PIGU: variants seen among roughly 807,000 people sequenced by gnomAD.
PIGU encodes GPI-anchor transamidase component PIGU.
PIGU carries 24 observed loss-of-function variants against 49.9 expected under a neutral mutation model. That is an observed-to-expected ratio of 0.48 (90% CI 0.35 to 0.68). The LOEUF is 0.68. Among genes scored for constraint, PIGU ranks in the 30% least tolerant of loss-of-function variants. The probability of loss-of-function intolerance (pLI) is 0.01; values close to 1 mark genes in which losing one functional copy is unlikely to be tolerated. For synonymous variants in PIGU, 220 were observed against 205.7 expected (o/e 1.07, Z -0.59); for missense variants, 490 against 532.6 (o/e 0.92, Z 0.79).
chr20:34,677,022 A>C lies in PIGU; in HGVS notation c.64T>G (p.Ser22Ala), dbSNP rs1987527646. The C allele has an allele frequency of 2.5e-6, 4 of 1,582,692 alleles. No individual in the cohort carries two copies. The African/African-American group carries it at 5.4e-5, about 21-fold the overall frequency. Residue 22 changes from serine to alanine, a missense_variant, in exon 1 of 12, where the codon TCC (serine) becomes GCC (alanine). By Grantham distance (99) the Ser-to-Ala change is moderately conservative (BLOSUM62 1). Coordinates refer to ENST00000217446, the MANE Select transcript of PIGU (RefSeq NM_080476.5). ...TCGGAAATGAACTCGGCCAGACTGGAGCGGAACAAGGCCGCCCGCACTGTC... is the reference window on the plus strand; with the variant it reads ...TCGGAAATGAACTCGGCCAGACTGGCGCGGAACAAGGCCGCCCGCACTGTC... ...AVTVRAALFR[S>A]SLAEFISERV...
chr20:34,611,190 C>A (rs1600626658), intron 7 of PIGU, among the ~76,000 whole-genome samples: 1 of 152,080 alleles, frequency 6.6e-6, no homozygotes, highest in Non-Finnish European at 1.5e-5. Flanking sequence ...CAACGAAAGC[C>A]AAAATTGACA....
At chr20:34,647,233 A>T (rs1039373004) in intron 2 of PIGU, among the ~76,000 whole-genome samples, 5 of 151,536 alleles carry the variant, frequency 3.3e-5, no homozygotes, top group African/African-American at 1.2e-4. Context: ...GGCCTCCCAA[A>T]GTGCTGAGAT....
At chr20:34,640,895 A>C (rs1986139407) in intron 4 of PIGU, among the ~76,000 whole-genome samples, 1 of 151,934 alleles carries the variant, frequency 6.6e-6, no homozygotes, top group African/African-American at 2.4e-5. Flanking sequence ...ACTTCAAATA[A>C]AGGGCTTTAT....
intron 7 of PIGU, among the ~76,000 whole-genome samples, chr20:34,609,502 C>T (rs6088538): frequency 0.85 from 128,618 of 151,952 alleles, 54,646 homozygotes; most frequent in Admixed American, 0.92. Context: ...GTAGCTAGGA[C>T]TGCAGGCACA....
At chr20:34,622,423 AG>A (rs1447689392) in intron 6 of PIGU, among the ~76,000 whole-genome samples, 6 of 152,074 alleles carry the variant, frequency 3.9e-5, no homozygotes, top group African/African-American at 1.4e-4. Context: ...AGGCTGAGGC[AG>A]GAGAATCTCT....
intron 1 of PIGU, among the ~76,000 whole-genome samples, chr20:34,660,048 T>TTAAAAAAA (rs1555803431): frequency 4.8e-5 from 2 of 41,428 alleles, no homozygotes; most frequent in African/African-American, 7.6e-5. Flanking sequence ...GAATGATCAA[T>TTAAAAAAA]AAAAAAAAAA....
intron 11 of PIGU, among the ~76,000 whole-genome samples, chr20:34,569,186 AG>A (rs1459455779): frequency 1.3e-5 from 2 of 152,102 alleles, no homozygotes; most frequent in Non-Finnish European, 2.9e-5. Flanking sequence ...CCTGGGCAAC[AG>A]AGCAAGACCC....
At chr20:34,603,291 C>G (rs1984498955) in intron 7 of PIGU, among the ~76,000 whole-genome samples, 1 of 152,032 alleles carries the variant, frequency 6.6e-6, no homozygotes, top group Non-Finnish European at 1.5e-5. Flanking sequence ...GTACCTAGAC[C>G]ATAAGGGGTT....
At chr20:34,645,214 G>C in intron 3 of PIGU, 61 bp downstream of exon 3, 2 of 1,358,530 alleles carry the variant, frequency 1.5e-6, no homozygotes, top group Non-Finnish European at 1.9e-6. Context: ...GAGAGAGAGA[G>C]ACAATAAACC....
chr20:34,619,513 G>A (rs993565998), intron 6 of PIGU, among the ~76,000 whole-genome samples: 4 of 152,290 alleles, frequency 2.6e-5, no homozygotes, highest in African/African-American at 4.8e-5. Flanking sequence ...GAAAGCAGGC[G>A]AGAGAAGAGG....
chr20:34,589,482 A>ATT, intron 7 of PIGU, among the ~76,000 whole-genome samples: 1 of 152,032 alleles, frequency 6.6e-6, no homozygotes, highest in East Asian at 1.9e-4. Flanking sequence ...CCTCCCAAGT[A>ATT]GCTGGGACTG....
chr20:34,621,266 A>C (rs1271877873), intron 6 of PIGU, among the ~76,000 whole-genome samples: 1 of 152,136 alleles, frequency 6.6e-6, no homozygotes, highest in Non-Finnish European at 1.5e-5. Flanking sequence ...AAAATATGAG[A>C]ATATTAAAGG....
chr20:34,665,273 G>A (rs1600672208), intron 1 of PIGU, among the ~76,000 whole-genome samples: 1 of 133,668 alleles, frequency 7.5e-6, no homozygotes, highest in East Asian at 2.4e-4. Flanking sequence ...GCGCGATCTC[G>A]GCTCACTGCA....
At chr20:34,584,826 T>C (rs1983633070) in intron 9 of PIGU, among the ~76,000 whole-genome samples, 1 of 152,026 alleles carries the variant, frequency 6.6e-6, no homozygotes, top group African/African-American at 2.4e-5. Flanking sequence ...TAGCTGGGAC[T>C]ATAGGCACCC....
At chr20:34,591,008 G>A (rs1428645682) in intron 7 of PIGU, among the ~76,000 whole-genome samples, 4 of 142,430 alleles carry the variant, frequency 2.8e-5, no homozygotes, top group Non-Finnish European at 6.1e-5. Flanking sequence ...GCGACAGAGC[G>A]AGACTCCGTC....
In PIGU at chr20:34,677,064, C is replaced by G. The variant is rs1568673007; in HGVS notation, c.22G>C (p.Val8Leu). 2.6e-6 allele frequency: 4 copies of G among 1,568,398 alleles called. No homozygotes were observed. Among genetic ancestry groups the G allele is most frequent in the Non-Finnish European group, 3.5e-6 (4 of 1,157,046 alleles). Residue 8 changes from valine (V) to leucine (L), a missense_variant, in exon 1 of 12, where the codon GTG (valine) becomes CTG (leucine). Physicochemically the swap from Val to Leu is conservative, Grantham distance 32. Coordinates refer to ENST00000217446, the MANE Select transcript of PIGU (RefSeq NM_080476.5). MAAPLVLVLVVAVTVRAA... is the reference protein window; with the variant it reads MAAPLVLLLVVAVTVRAA... ...CGCACTGTCACAGCCACCACCAGCA[C>G]CAGGACCAAGGGAGCCGCCATGATA...
At chr20:34,623,299 G>T (rs902961595) in intron 6 of PIGU, among the ~76,000 whole-genome samples, 9 of 152,196 alleles carry the variant, frequency 5.9e-5, no homozygotes, top group African/African-American at 2.2e-4. Flanking sequence ...CCTGGGGGCA[G>T]GGCCAATGTA....
At chr20:34,624,929 CA>C (rs1985401950) in intron 6 of PIGU, among the ~76,000 whole-genome samples, 1 of 152,166 alleles carries the variant, frequency 6.6e-6, no homozygotes, top group South Asian at 2.1e-4. Flanking sequence ...GGGGACAAAG[CA>C]AACAAGGTCA....
chr20:34,661,608 G>A (rs1375563311), intron 1 of PIGU, among the ~76,000 whole-genome samples: 1 of 150,382 alleles, frequency 6.6e-6, no homozygotes, highest in African/African-American at 2.5e-5. Flanking sequence ...TCTTTATCCA[G>A]TCCACCACTG....
Sources: gnomAD v4.1 joint callset for allele counts (sites outside exome capture counted in the v4.1 genomes callset) on GRCh38, gnomAD v4.1.1 for gene constraint, MANE v1.5 for transcripts, NCBI Gene and HGNC (gene_info 2026-07-23, HGNC 2026-07-21) for gene names.